NADK: variants seen among roughly 807,000 people sequenced by gnomAD.
NADK encodes NAD kinase.
Under a neutral mutation model 49.8 loss-of-function variants are expected in NADK, and 22 were observed. The ratio of observed to expected loss-of-function variants is 0.44; its 90% CI spans 0.32 to 0.63. The LOEUF is 0.63. NADK is among the 30% of genes least tolerant of loss of function. The pLI, the probability that NADK is intolerant of heterozygous loss-of-function variation, is 0.06. For missense variants in NADK, 438 were observed against 609.4 expected, an observed-to-expected ratio of 0.72 and a Z score of 2.96; for synonymous variants, 268 against 253.7, an observed-to-expected ratio of 1.06 and a Z score of -0.54.
rs368896372 is a variant in NADK, at chr1:1,761,549, C to T, written c.263+403G>A. The T allele has an allele frequency of 9.3e-5, 17 of 182,588 alleles. No individual in the cohort carries two copies. In the East Asian group the frequency reaches 1.9e-3, roughly 20 times the overall value. The allele number at this position is 182,588 out of a possible 1,614,324, so 11.3% of individuals were successfully genotyped here. On this transcript the variant is annotated intron_variant, in intron 3 of 11. Transcript: ENST00000341426. ...ACAAACTGAACCATCAAATAGCAAACGCAACCCACCCCAGAATTCTCACTC... is the reference window on the plus strand; with the variant it reads ...ACAAACTGAACCATCAAATAGCAAATGCAACCCACCCCAGAATTCTCACTC...
In NADK at chr1:1,752,891, A is replaced by AT. The variant is rs760188817; in HGVS notation, c.*12dup. ...GGGCAGCGGAAGGATTCGGGCCTGG[A>AT]TAGGGGCTTGACCTAGCCCTCCTCC... On this transcript the variant is annotated 3_prime_UTR_variant, in exon 12 of 12. Coordinates refer to ENST00000341426, the MANE Select transcript of NADK (RefSeq NM_023018.5). The AT allele has an allele frequency of 1.9e-5, 30 of 1,608,014 alleles. No individual in the cohort carries two copies. Among genetic ancestry groups the AT allele is most frequent in the Non-Finnish European group, 2.5e-5 (30 of 1,177,370 alleles).
At chr1:1,759,220 C>T (rs559958495) in intron 3 of NADK, 12 of 1,575,428 alleles carry the variant, frequency 7.6e-6, no homozygotes, top group African/African-American at 2.7e-5. Context: ...CACAAACCAG[C>T]GCCTCGACCT....
In NADK at chr1:1,778,449, C is replaced by G. The variant is rs1232855468; in HGVS notation, c.-201G>C. On this transcript the variant is annotated 5_prime_UTR_variant, in exon 1 of 12. Coordinates refer to ENST00000341426, the MANE Select transcript of NADK (RefSeq NM_023018.5). This position sits in a 1 kb window ranked among gnomAD's most constrained non-coding sequence, Gnocchi z 4.9. ...CCCCGGCGCCGGCGCCGCCGAGCAG[C>G]AATGCGCCGCGCCCGCCCACTGCGC... The G allele has an allele frequency of 6.8e-6, 1 of 147,812 alleles. No individual in the cohort carries two copies. The highest frequency in any genetic ancestry group is 1.5e-5 in the Non-Finnish European group (1 of 66,312). The allele number at this position is 147,812 out of a possible 1,614,324, so 9.2% of individuals were successfully genotyped here.
chr1:1,758,554 C>T, intron 3 of NADK: 1 of 1,574,322 alleles, frequency 6.4e-7, no homozygotes, highest in Non-Finnish European at 8.7e-7. Context: ...GACTGTGCGC[C>T]CACACTAGAA....
At position 1,752,564 on chromosome 1, in the gene NADK, T is replaced by C. The variant is rs1645358404; in HGVS notation, c.*340A>G. On this transcript the variant is annotated 3_prime_UTR_variant, in exon 12 of 12. Transcript: ENST00000341426. ...AACATTGAAGGACAGGTCGAGTCAT[T>C]CTGACTCCTCTGAATTTCAACCGAC... The C allele has an allele frequency of 4.2e-6, 1 of 236,194 alleles. No homozygotes were observed. Among genetic ancestry groups the C allele is most frequent in the African/African-American group, 2.2e-5 (1 of 44,526 alleles). The allele number at this position is 236,194 out of a possible 1,614,324, so 14.6% of individuals were successfully genotyped here.
chr1:1,759,011 T>C (rs1430866781), intron 3 of NADK: 2 of 1,412,762 alleles, frequency 1.4e-6, no homozygotes, highest in Non-Finnish European at 1.9e-6. Context: ...GGCGTGCAGG[T>C]GGCTCACGGT....
intron 3 of NADK, chr1:1,759,087 C>G (rs781115735): frequency 6.6e-7 from 1 of 1,518,804 alleles, no homozygotes; most frequent in Middle Eastern, 1.7e-4. Context: ...TCCCCGCCAA[C>G]AGTCACCACT....
In NADK at chr1:1,760,468, T is replaced by C. The variant is rs1167723697; in HGVS notation, c.263+1484A>G. 9.2e-5 allele frequency among the ~76,000 whole-genome samples: 14 copies of C among 152,330 alleles called. 1 individual carries two copies. Among genetic ancestry groups the C allele is most frequent in the East Asian group, 1.9e-4 (1 of 5,182 alleles). ...CTGAACTTCGGTGACAGCCCAGGGCTGGGGCCTCCGTCCCTGCTGTGCGCC... is the reference window on the plus strand; with the variant it reads ...CTGAACTTCGGTGACAGCCCAGGGCCGGGGCCTCCGTCCCTGCTGTGCGCC... On this transcript the variant is annotated intron_variant, in intron 3 of 11. Coordinates refer to ENST00000341426, the MANE Select transcript of NADK (RefSeq NM_023018.5).
intron 3 of NADK, among the ~76,000 whole-genome samples, chr1:1,760,385 G>T (rs576181120): frequency 6.6e-6 from 1 of 152,280 alleles, no homozygotes; most frequent in South Asian, 2.1e-4. Flanking sequence ...GCACGCTGCC[G>T]CGGGGCCCAC....
At chr1:1,757,379 G>GA in intron 3 of NADK, 69 bp from the exon 4 acceptor site, 2 of 1,355,790 alleles carry the variant, frequency 1.5e-6, no homozygotes, top group Non-Finnish European at 2.0e-6. Flanking sequence ...GTATGACTTA[G>GA]AAAATAAAAA....
At chr1:1,764,132 C>T (rs1645813441) in intron 2 of NADK, among the ~76,000 whole-genome samples, 2 of 152,262 alleles carry the variant, frequency 1.3e-5, no homozygotes, top group South Asian at 4.1e-4. Flanking sequence ...CCTGTTTCTC[C>T]ACGGCTGCCA....
At chr1:1,774,498 GC>G (rs1646149900) in intron 1 of NADK, among the ~76,000 whole-genome samples, 1 of 151,988 alleles carries the variant, frequency 6.6e-6, no homozygotes, top group South Asian at 2.1e-4. Context: ...CAGATGATCC[GC>G]CCGCCTTGGC....
intron 6 of NADK, chr1:1,756,038 C>T (rs983057397): frequency 2.3e-5 from 14 of 597,448 alleles, no homozygotes; most frequent in Admixed American, 8.8e-5. Flanking sequence ...CTGTCCCAGG[C>T]GGGCGCTGGC....
At chr1:1,762,452 T>C (rs1364035177) in intron 2 of NADK, among the ~76,000 whole-genome samples, 1 of 152,162 alleles carries the variant, frequency 6.6e-6, no homozygotes, top group Non-Finnish European at 1.5e-5. Flanking sequence ...CACTCTGAAC[T>C]CATGTCAATA....
Position 1,756,597 on chromosome 1 carries a change from G to T in NADK, c.405C>A (p.Ile135=). ...LCTHLMEENM[I]VYVEKKVLED... Reference sequence around the variant, plus strand: ...CTAGCACTTTCTTTTCCACATACACGATCATGTTCTCCTGGAAGCAAAGTG... The same window carrying T: ...CTAGCACTTTCTTTTCCACATACACTATCATGTTCTCCTGGAAGCAAAGTG... The change falls in exon 5 of 12, where the codon ATC becomes ATA. Residue 135 remains isoleucine (I), a synonymous_variant. Coordinates refer to ENST00000341426, the MANE Select transcript of NADK (RefSeq NM_023018.5). The T allele has an allele frequency of 1.9e-6, 3 of 1,614,004 alleles. No homozygotes were observed. The highest frequency in any genetic ancestry group is 2.5e-6 in the Non-Finnish European group (3 of 1,180,020).
At position 1,752,640 on chromosome 1, in the gene NADK, C is replaced by T. The variant is rs529191792; in HGVS notation, c.*264G>A. 22 of 384,408 alleles carry T rather than the reference C, an allele frequency of 5.7e-5. No homozygotes were observed. Among genetic ancestry groups the T allele is most frequent in the Admixed American group, 2.6e-4 (6 of 22,800 alleles). 23.8% of individuals were successfully genotyped at this position (384,408 alleles called of 1,614,324 possible). A position where few individuals can be genotyped will look rare whatever the true frequency, so the allele number is the denominator to read the frequency against. ...TGGAAATTGCGGCAGCTGGAGGCCG[C>T]GCTCCAGGGACCCACCGCGGGGTGT... is the stretch of plus-strand genomic sequence containing the variant. On this transcript the variant is annotated 3_prime_UTR_variant, in exon 12 of 12. Coordinates refer to ENST00000341426, the MANE Select transcript of NADK (RefSeq NM_023018.5).
At position 1,778,215 on chromosome 1, in the gene NADK, C is replaced by T. The variant is rs1376420713; in HGVS notation, c.-41+74G>A. ...GGCCTGGTGTCTCCCCGCCTGGCCG[C>T]GCGCTCGCGGGCAGCGATGACCCCA... is the stretch of plus-strand genomic sequence containing the variant. On this transcript the variant is annotated intron_variant, in intron 1 of 11. Coordinates refer to ENST00000341426, the MANE Select transcript of NADK (RefSeq NM_023018.5). The surrounding 1 kb of genome is among the most constrained non-coding windows in gnomAD (Gnocchi z 4.9). 1 of 152,210 alleles carries T rather than the reference C, an allele frequency of 6.6e-6. No individual in the cohort carries two copies. Among genetic ancestry groups the T allele is most frequent in the Admixed American group, 6.5e-5 (1 of 15,292 alleles). The allele number at this position is 152,210 out of a possible 1,614,324, so 9.4% of individuals were successfully genotyped here.
At chr1:1,755,302 AC>A (rs1557835251) in intron 7 of NADK, 71 bp downstream of exon 7, 11 of 1,055,176 alleles carry the variant, frequency 1.0e-5, no homozygotes, top group South Asian at 1.3e-5. Context: ...ATGAAAATAA[AC>A]CCCCCGCAAG....
At chr1:1,776,067 C>T (rs115524802) in intron 1 of NADK, among the ~76,000 whole-genome samples, 40 of 152,268 alleles carry the variant, frequency 2.6e-4, no homozygotes, top group African/African-American at 8.9e-4. Flanking sequence ...CTCAACACTC[C>T]CTCTTGCTGT....
Sources: allele counts gnomAD v4.1 joint callset (sites outside exome capture counted in the v4.1 genomes callset), GRCh38; gene constraint gnomAD v4.1.1; non-coding constraint Gnocchi (gnomAD v3.1); transcripts MANE v1.5; gene names NCBI Gene and HGNC (gene_info 2026-07-23, HGNC 2026-07-21).